Variants in DHRS2 observed in about 807,000 individuals in gnomAD.
DHRS2 encodes the protein dehydrogenase/reductase 2.
In DHRS2, 29 loss-of-function variants were observed where a neutral mutation model predicts 26.3. The ratio of observed to expected loss-of-function variants is 1.10; its 90% CI spans 0.82 to 1.50. The LOEUF is 1.50. DHRS2 is among the 40% of genes most tolerant of loss of function. The pLI, the probability that DHRS2 is intolerant of heterozygous loss-of-function variation, is 0.00. For synonymous variants in DHRS2, 164 were observed against 151.3 expected, an observed-to-expected ratio of 1.08 and a Z score of -0.62; for missense variants, 439 against 367.1, an observed-to-expected ratio of 1.20 and a Z score of -1.60.
chr14:23,643,144 G>A lies in DHRS2; in HGVS notation c.421-8G>A, dbSNP rs114046923. 6.6e-5 allele frequency: 106 copies of A among 1,613,970 alleles called. No homozygotes were observed. The African/African-American group carries it at 1.2e-3, about 18-fold the overall frequency. On this transcript the variant is annotated splice_region_variant and splice_polypyrimidine_tract_variant and intron_variant, in intron 4 of 8. Transcript: ENST00000250383. ...TCTGCCCTCACCCATGCTCTGCTCT[G>A]ATTTCAGATCCTAAGTGTGAACGTG...
intron 4 of DHRS2, chr14:23,640,411 G>C: frequency 1.0e-6 from 1 of 985,476 alleles, no homozygotes; most frequent in African/African-American, 1.7e-5. Context: ...CATTCCGGGG[G>C]CTTAGACATC....
intron 5 of DHRS2, 111 bp downstream of exon 5, chr14:23,643,330 T>C: frequency 2.1e-6 from 2 of 955,014 alleles, no homozygotes; most frequent in Non-Finnish European, 3.3e-6. Flanking sequence ...AGGTCTGGGA[T>C]CTCCACATCC....
intron 4 of DHRS2, 135 bp downstream of exon 4, chr14:23,640,030 G>A: frequency 2.4e-6 from 2 of 832,446 alleles, no homozygotes; most frequent in Non-Finnish European, 1.6e-6. Context: ...TGGTAGTCCT[G>A]CCTGGCCAGC....
At position 23,644,997 on chromosome 14, in the gene DHRS2, A is replaced by T. The variant is rs149910201; in HGVS notation, c.731+115A>T. 20 of 1,557,958 alleles carry T rather than the reference A, an allele frequency of 1.3e-5. No homozygotes were observed. The African/African-American group carries it at 2.4e-4, about 19-fold the overall frequency. ...GGCCATTGTTTTTGCTGAAATCTGG[A>T]GTCCACATGGCCCTGGAGGGTGCAA... On this transcript the variant is annotated intron_variant, in intron 8 of 8. Transcript: ENST00000250383.
Position 23,644,164 on chromosome 14 carries a change from T to A in DHRS2, c.540+2T>A, listed in dbSNP as rs1425340681. On this transcript the variant is annotated splice_donor_variant, in intron 6 of 8. Coordinates refer to ENST00000250383, the MANE Select transcript of DHRS2 (RefSeq NM_005794.4). LOFTEE classifies it high-confidence loss of function. ...ATTGCAGCTTATAATCCAGTAGTGG[T>A]AAGTGCTTGGTCCTTGTGCTCCTGA... 2 of 1,614,024 alleles carry A rather than the reference T, an allele frequency of 1.2e-6. No individual in the cohort carries two copies. Among genetic ancestry groups the A allele is most frequent in the Non-Finnish European group, 1.7e-6 (2 of 1,180,014 alleles).
chr14:23,631,406 G>A (rs1315454496), upstream of DHRS2, among the ~76,000 whole-genome samples: 1 of 152,066 alleles, frequency 6.6e-6, no homozygotes, highest in African/African-American at 2.4e-5. Context: ...AATGCCCTTT[G>A]CCAAGCAGAG....
At chr14:23,645,080 G>A (rs1594250697) in intron 8 of DHRS2, 62 bp from the exon 9 acceptor site, 4 of 1,607,454 alleles carry the variant, frequency 2.5e-6, no homozygotes, top group Admixed American at 3.3e-5. Context: ...TGTCATCCGT[G>A]AGCCCCAGAG....
At chr14:23,639,092 C>G in intron 2 of DHRS2, 87 bp from the exon 3 acceptor site, 2 of 1,592,696 alleles carry the variant, frequency 1.3e-6, no homozygotes, top group Non-Finnish European at 1.7e-6. Context: ...CAAGACCCAG[C>G]CTTATTTGCT....
At chr14:23,643,604 C>T (rs192108093) in intron 5 of DHRS2, 8 of 275,770 alleles carry the variant, frequency 2.9e-5, no homozygotes, top group Admixed American at 1.9e-4. Flanking sequence ...CCAGACCTCT[C>T]CTCATGCCTG....
intron 1 of DHRS2, 24 bp from the exon 2 acceptor site, chr14:23,638,803 A>G: frequency 6.3e-7 from 1 of 1,578,994 alleles, no homozygotes; most frequent in Non-Finnish European, 8.6e-7. Flanking sequence ...ATCAGTGATA[A>G]GTGAAATTGA....
intron 4 of DHRS2, chr14:23,641,661 A>G: frequency 1.6e-6 from 2 of 1,289,784 alleles, no homozygotes; most frequent in Non-Finnish European, 2.0e-6. Context: ...ATTCCTTCTT[A>G]TTAGGGACCT....
In DHRS2 at chr14:23,638,885, G is replaced by A. The variant is rs922989465; in HGVS notation, c.21G>A (p.Arg7=). 1.2e-6 allele frequency: 2 copies of A among 1,613,970 alleles called. No individual in the cohort carries two copies. Among genetic ancestry groups the A allele is most frequent in the African/African-American group, 1.3e-5 (1 of 74,924 alleles). The change falls in exon 2 of 9, where the codon CGG becomes CGA. Residue 7 remains arginine, a synonymous_variant. Coordinates refer to ENST00000250383, the MANE Select transcript of DHRS2 (RefSeq NM_005794.4). MLSAVA[R]GYQGWFHPCA... The stretch of plus-strand genomic sequence containing the variant: ...CCACTATGCTGTCAGCAGTTGCCCG[G>A]GGCTACCAGGGCTGGTTTCATCCCT...
rs756989511 is a variant in DHRS2 at position 23,638,961 on chromosome 14, G to T, written c.97G>T (p.Val33Phe). Residue 33 changes from valine (V) to phenylalanine (F), a missense_variant, in exon 2 of 9, where the codon GTC (valine) becomes TTC (phenylalanine). Physicochemically the swap from Val to Phe is conservative, Grantham distance 50. Coordinates refer to ENST00000250383, the MANE Select transcript of DHRS2 (RefSeq NM_005794.4). The stretch of plus-strand genomic sequence containing the variant: ...CAGCACCGGGATAGACAGGAAGGGC[G>T]TCCTGGCTAACCGGGTAGCCGTGGT... ...MSSTGIDRKG[V>F]LANRVAVVTG... The T allele has an allele frequency of 7.4e-6, 12 of 1,613,864 alleles. No homozygotes were observed. Among genetic ancestry groups the T allele is most frequent in the African/African-American group, 4.0e-5 (3 of 74,942 alleles).
rs545776883 is a variant in DHRS2, at chr14:23,636,730, G to A, written c.-81G>A. On this transcript the variant is annotated 5_prime_UTR_variant, in exon 1 of 9. Transcript: ENST00000250383. ...AGCAGTGAGACTATTGCCAAGTGGTGAGACCATCACCAAGCGGTGAGACTA... is the reference window on the plus strand; with the variant it reads ...AGCAGTGAGACTATTGCCAAGTGGTAAGACCATCACCAAGCGGTGAGACTA... 1 of 152,300 alleles carries A rather than the reference G, an allele frequency of 6.6e-6. No homozygotes were observed. Among genetic ancestry groups the A allele is most frequent in the Middle Eastern group, 3.4e-3 (1 of 294 alleles). 9.4% of individuals were successfully genotyped at this position (152,300 alleles called of 1,614,324 possible).
intron 1 of DHRS2, among the ~76,000 whole-genome samples, chr14:23,631,193 A>C (rs1422934861): frequency 1.3e-5 from 2 of 152,154 alleles, no homozygotes; most frequent in African/African-American, 2.4e-5. Flanking sequence ...AGGACCTGCT[A>C]TCTGTCATGT....
At chr14:23,631,667 T>C (rs1283111983), upstream of DHRS2, among the ~76,000 whole-genome samples, 1 of 151,418 alleles carries the variant, frequency 6.6e-6, no homozygotes, top group East Asian at 2.0e-4. Flanking sequence ...CACCCCCAAA[T>C]TTGGGCATCT....
At chr14:23,637,121 C>T (rs1417424272) in intron 1 of DHRS2, among the ~76,000 whole-genome samples, 1 of 151,246 alleles carries the variant, frequency 6.6e-6, no homozygotes, top group East Asian at 1.9e-4. Context: ...GTGAGACTCA[C>T]CTATCTATCC....
In DHRS2 at chr14:23,644,747, G is replaced by A; in HGVS notation, c.676-80G>A. 3 of 1,543,398 alleles carry A rather than the reference G, an allele frequency of 1.9e-6. 1 individual carries two copies. Among genetic ancestry groups the A allele is most frequent in the Middle Eastern group, 3.5e-4 (2 of 5,750 alleles). ...TGAGAAGGGCAAAGCTGCCCTAGGT[G>A]TTCTGCCTGGTGGCCTTCCCGGGGC... On this transcript the variant is annotated intron_variant, in intron 7 of 8. Transcript: ENST00000250383.
At chr14:23,639,147 G>A (rs758178912) in intron 2 of DHRS2, 32 bp from the exon 3 acceptor site, 4 of 1,608,816 alleles carry the variant, frequency 2.5e-6, no homozygotes, top group East Asian at 2.2e-5. Context: ...GAGAGGCTGA[G>A]GCTGACTTTT....
Sources: allele counts gnomAD v4.1 joint callset (sites outside exome capture counted in the v4.1 genomes callset), GRCh38; gene constraint gnomAD v4.1.1; transcripts MANE v1.5; gene names NCBI Gene and HGNC (gene_info 2026-07-23, HGNC 2026-07-21).